The following XNDC1N variants were observed in gnomAD, a reference collection of about 807,000 sequenced individuals.
XNDC1N encodes the protein XRCC1 N-terminal domain containing 1, N-terminal like.
At chr11:71,891,294 C>T in the XNDC1N span, among the ~76,000 whole-genome samples, 5 of 151,738 alleles carry the variant, frequency 3.3e-5, no homozygotes, top group Non-Finnish European at 7.4e-5. Context: ...TGGAAACCCC[C>T]TGCGGTCCTG....
the XNDC1N span, among the ~76,000 whole-genome samples, chr11:71,884,019 G>A: frequency 6.6e-6 from 1 of 152,144 alleles, no homozygotes; most frequent in Non-Finnish European, 1.5e-5. Context: ...TGTGATTCAA[G>A]GCCAACCCCT....
chr11:71,880,720 A>G, the XNDC1N span, among the ~76,000 whole-genome samples: 3 of 152,050 alleles, frequency 2.0e-5, no homozygotes, highest in Admixed American at 2.0e-4. Context: ...TTCCATTTGC[A>G]TTTATTTCAA....
the XNDC1N span, among the ~76,000 whole-genome samples, chr11:71,887,167 G>T: frequency 1.6e-4 from 24 of 152,122 alleles, no homozygotes; most frequent in African/African-American, 5.3e-4. Flanking sequence ...TGTAGATAGC[G>T]GTGCTGAACA....
chr11:71,897,056 C>T, the XNDC1N span, among the ~76,000 whole-genome samples: 1 of 152,136 alleles, frequency 6.6e-6, no homozygotes, highest in African/African-American at 2.4e-5. Context: ...GACCCTATGT[C>T]ACACCAGGTG....
At chr11:71,876,431 C>T in the XNDC1N span, among the ~76,000 whole-genome samples, 1 of 152,174 alleles carries the variant, frequency 6.6e-6, no homozygotes, top group South Asian at 2.1e-4. Context: ...CTGGTCCACC[C>T]CCAGAATGCA....
chr11:71,899,077 C>A, the XNDC1N span, among the ~76,000 whole-genome samples: 1 of 152,140 alleles, frequency 6.6e-6, no homozygotes, highest in Admixed American at 6.5e-5. Context: ...CTTCTTCTTG[C>A]ATTATTATAC....
chr11:71,925,317 A>T, the XNDC1N span, among the ~76,000 whole-genome samples: 1 of 152,064 alleles, frequency 6.6e-6, no homozygotes, highest in African/African-American at 2.4e-5. Flanking sequence ...TGATTTGCAA[A>T]TGTCTGTTGA....
chr11:71,899,261 C>T, the XNDC1N span, among the ~76,000 whole-genome samples: 1 of 152,130 alleles, frequency 6.6e-6, no homozygotes, highest in Non-Finnish European at 1.5e-5. Context: ...TGTCTTCTTG[C>T]CAGCCTTGAA....
At chr11:71,884,346 G>A in the XNDC1N span, 1 of 1,426,026 alleles carries the variant, frequency 7.0e-7, no homozygotes, top group Admixed American at 2.7e-5. Context: ...AAACATTTCA[G>A]ACATTTAAAC....
the XNDC1N span, among the ~76,000 whole-genome samples, chr11:71,916,443 G>A: frequency 3.9e-5 from 6 of 152,046 alleles, no homozygotes; most frequent in Non-Finnish European, 7.4e-5. Context: ...GGCCAGTCAG[G>A]GCCTTCTCAT....
chr11:71,915,879 C>G, the XNDC1N span, among the ~76,000 whole-genome samples: 7 of 152,264 alleles, frequency 4.6e-5, no homozygotes, highest in East Asian at 1.3e-3. Context: ...CTTGCATATT[C>G]CACGTGTGAG....
the XNDC1N span, among the ~76,000 whole-genome samples, chr11:71,881,563 C>T: frequency 1.3e-5 from 2 of 151,868 alleles, no homozygotes; most frequent in Non-Finnish European, 2.9e-5. Flanking sequence ...GTCTCTTCCT[C>T]TTCTAATAAG....
At chr11:71,890,842 T>G in the XNDC1N span, among the ~76,000 whole-genome samples, 1 of 152,062 alleles carries the variant, frequency 6.6e-6, no homozygotes, top group African/African-American at 2.4e-5. Flanking sequence ...GTACAGACCC[T>G]GCGACCTTTG....
At chr11:71,891,028 T>C in the XNDC1N span, among the ~76,000 whole-genome samples, 1 of 152,004 alleles carries the variant, frequency 6.6e-6, no homozygotes. Flanking sequence ...TCTCTTCCCC[T>C]GGACATTAGG....
At chr11:71,872,791 GTTCTAGCACCTT>G in the XNDC1N span, among the ~76,000 whole-genome samples, 1 of 152,134 alleles carries the variant, frequency 6.6e-6, no homozygotes, top group Non-Finnish European at 1.5e-5. Flanking sequence ...AATCTTGCTG[GTTCTAGCACCTT>G]TTGGATGTAA....
chr11:71,884,928 C>A, the XNDC1N span, among the ~76,000 whole-genome samples: 8 of 149,366 alleles, frequency 5.4e-5, no homozygotes, highest in South Asian at 2.1e-4. Flanking sequence ...ACTCTTAGGA[C>A]CCCCATTGCA....
At chr11:71,877,525 C>G in the XNDC1N span, among the ~76,000 whole-genome samples, 1 of 152,188 alleles carries the variant, frequency 6.6e-6, no homozygotes, top group African/African-American at 2.4e-5. Context: ...GTAATCCCAG[C>G]TACTTGGGAG....
chr11:71,890,579 A>G, the XNDC1N span, among the ~76,000 whole-genome samples: 22 of 152,190 alleles, frequency 1.4e-4, no homozygotes, highest in African/African-American at 4.8e-4. Flanking sequence ...CTCTTTGGAT[A>G]TTCGGTGCCA....
the XNDC1N span, among the ~76,000 whole-genome samples, chr11:71,908,730 T>G: frequency 9.0e-4 from 137 of 152,288 alleles, no homozygotes; most frequent in South Asian, 8.5e-3. Context: ...ACCCCACCTG[T>G]GCTGATTGGC....
Sources: allele counts gnomAD v4.1 joint callset (sites outside exome capture counted in the v4.1 genomes callset), GRCh38; gene constraint gnomAD v4.1.1; transcripts MANE v1.5; gene names NCBI Gene and HGNC (gene_info 2026-07-23, HGNC 2026-07-21).